The following ZNF516 variants were observed in gnomAD, a reference collection of about 807,000 sequenced individuals.
ZNF516 encodes the protein zinc finger protein 516.
Under a neutral mutation model 79.7 loss-of-function variants are expected in ZNF516, and 19 were observed. The ratio of observed to expected loss-of-function variants is 0.24; its 90% CI spans 0.17 to 0.35. The LOEUF (loss-of-function observed/expected upper bound fraction) is 0.35, where lower values mean the gene tolerates loss of function less well. ZNF516 is among the 10% of genes least tolerant of loss of function. The pLI, the probability that ZNF516 is intolerant of heterozygous loss-of-function variation, is 1.00. For missense variants in ZNF516, 1,678 were observed against 1,679.5 expected, an observed-to-expected ratio of 1.00 and a Z score of 0.02; for synonymous variants, 877 against 739.5, an observed-to-expected ratio of 1.19 and a Z score of -3.02.
chr18:76,494,462 AC>A (rs1163080358), intron 1 of ZNF516, among the ~76,000 whole-genome samples: 3 of 14,876 alleles, frequency 2.0e-4, no homozygotes, highest in East Asian at 2.4e-3. Context: ...CCCCACCCCC[AC>A]CCCCGCCCGA....
chr18:76,446,728 G>A (rs1038688623), intron 2 of ZNF516, among the ~76,000 whole-genome samples: 2 of 152,214 alleles, frequency 1.3e-5, no homozygotes, highest in Admixed American at 1.3e-4. Context: ...ACGATGCTCT[G>A]CGATCAACAA....
chr18:76,491,525 G>C (rs1037531773), intron 1 of ZNF516: 1 of 125,694 alleles, frequency 8.0e-6, no homozygotes, highest in South Asian at 2.4e-4. Context: ...GGCGTGTGAC[G>C]TCCGCTCCAC....
chr18:76,424,026 G>A (rs1336872972), intron 3 of ZNF516, among the ~76,000 whole-genome samples: 1 of 113,520 alleles, frequency 8.8e-6, no homozygotes, highest in Admixed American at 9.6e-5. Flanking sequence ...ACACCCACAC[G>A]CAGGTGAAAG....
intron 2 of ZNF516, among the ~76,000 whole-genome samples, chr18:76,460,229 C>T (rs1013385721): frequency 6.6e-6 from 1 of 152,180 alleles, no homozygotes; most frequent in Non-Finnish European, 1.5e-5. Flanking sequence ...CTGCACTCAC[C>T]GTCCAGGGCC....
intron 1 of ZNF516, among the ~76,000 whole-genome samples, chr18:76,479,214 T>G (rs1467900317): frequency 6.6e-6 from 1 of 152,176 alleles, no homozygotes; most frequent in East Asian, 1.9e-4. Flanking sequence ...AAAAGGGGCC[T>G]TGACTTGGAC....
At chr18:76,403,298 A>C (rs1213104303) in intron 3 of ZNF516, among the ~76,000 whole-genome samples, 2 of 152,166 alleles carry the variant, frequency 1.3e-5, no homozygotes, top group Non-Finnish European at 2.9e-5. Context: ...ATCTCTTCTC[A>C]TACACATGCA....
In ZNF516 at chr18:76,370,523, C is replaced by T; in HGVS notation, c.3432+5G>A. The T allele has an allele frequency of 2.5e-6, 4 of 1,604,178 alleles. No individual in the cohort carries two copies. Among genetic ancestry groups the T allele is most frequent in the Non-Finnish European group, 3.4e-6 (4 of 1,174,734 alleles). ...CCCAGACATCCAATTCATCATGAGA[C>T]CTACTTGTTTGGGGGCGTCTGCGGA... On this transcript the variant is annotated splice_donor_5th_base_variant and intron_variant, in intron 6 of 6. Transcript: ENST00000443185.
intron 3 of ZNF516, among the ~76,000 whole-genome samples, chr18:76,424,930 G>C (rs551881267): frequency 3.0e-5 from 4 of 135,558 alleles, no homozygotes; most frequent in Non-Finnish European, 6.1e-5. Context: ...AGGTGAAAAG[G>C]TTCCCCCATG....
Position 76,379,545 on chromosome 18 carries a change from C to T in ZNF516, c.2569G>A (p.Val857Ile), listed in dbSNP as rs762799779. 1 of 1,613,720 alleles carries T rather than the reference C, an allele frequency of 6.2e-7. No individual in the cohort carries two copies. The highest frequency in any genetic ancestry group is 1.7e-5 in the Admixed American group (1 of 60,036). Residue 857 changes from valine (V) to isoleucine (I), a missense_variant, in exon 4 of 7, where the codon GTC becomes ATC. By Grantham distance (29) the Val-to-Ile change is conservative. Around this residue, in one of 5 missense-constraint regions of ZNF516, gnomAD observed 1,294 missense variants for 1,248.3 expected, o/e 1.04. Coordinates refer to ENST00000443185, the MANE Select transcript of ZNF516 (RefSeq NM_014643.4). ...SKSGSSPLGV[V>I]TKAASMPKNK... ...TTAGGCATGCTAGCGGCTTTTGTGA[C>T]CACTCCCAGGGGAGAAGAGCCACTT...
intron 1 of ZNF516, among the ~76,000 whole-genome samples, chr18:76,491,272 C>A (rs1462458822): frequency 1.7e-4 from 14 of 84,032 alleles, no homozygotes; most frequent in Non-Finnish European, 3.1e-4. Flanking sequence ...ACCCGCCCCC[C>A]TCCCCGGCCC....
At chr18:76,413,345 G>T (rs756932550) in intron 3 of ZNF516, among the ~76,000 whole-genome samples, 1 of 152,008 alleles carries the variant, frequency 6.6e-6, no homozygotes, top group Non-Finnish European at 1.5e-5. Context: ...TCCTTCTCTG[G>T]CGGACGCCAG....
intron 3 of ZNF516, among the ~76,000 whole-genome samples, chr18:76,429,003 G>A (rs1338439680): frequency 6.6e-6 from 1 of 152,240 alleles, no homozygotes; most frequent in African/African-American, 2.4e-5. Context: ...CGAGCGGGCA[G>A]GGCAGGGAGG....
chr18:76,458,825 G>A lies in ZNF516; in HGVS notation c.-158+4203C>T, dbSNP rs529476084. ...GCGTGCCTCACCGTCGTGCGTGTGC[G>A]TGCCTCACCGTTGTGTGTGTGCATG... On this transcript the variant is annotated intron_variant, in intron 2 of 6. Transcript: ENST00000443185. Among the ~76,000 whole-genome samples, 13 of 148,802 alleles carry A rather than the reference G, an allele frequency of 8.7e-5. No individual in the cohort carries two copies. The East Asian group carries it at 1.2e-3, about 14-fold the overall frequency.
At chr18:76,495,916 A>T (rs1915464405), upstream of ZNF516, 1 of 352,916 alleles carries the variant, frequency 2.8e-6, no homozygotes, top group African/African-American at 2.2e-5. Flanking sequence ...TCCCGCTGGA[A>T]AGACTTCAAA....
intron 3 of ZNF516, among the ~76,000 whole-genome samples, chr18:76,432,211 C>T (rs1039621604): frequency 5.3e-5 from 8 of 152,256 alleles, no homozygotes; most frequent in Admixed American, 1.3e-4. Flanking sequence ...TGCCCTCCTC[C>T]GCAGCCTCTG....
chr18:76,379,833 G>C lies in ZNF516; in HGVS notation c.2281C>G (p.Pro761Ala). The change falls in exon 4 of 7, where the codon CCG becomes GCG. Residue 761 changes from proline (P) to alanine (A), a missense_variant. Physicochemically the swap from Pro to Ala is conservative, Grantham distance 27. This residue lies in a region of ZNF516 where 1,294 missense variants were observed against 1,248.3 expected (regional missense o/e 1.04). Transcript: ENST00000443185. ...GTCTTGTGGCTGCAGTAAGGACACG[G>C]GTGAACGACTAAAGCCGCCTGCAGG... ...SSLQAALVVH[P>A]CPYCSHKTYY... 6.2e-7 allele frequency: 1 copy of C among 1,613,896 alleles called. No homozygotes were observed. The highest frequency in any genetic ancestry group is 2.2e-5 in the East Asian group (1 of 44,870).
chr18:76,376,411 T>G (rs1353710673), intron 4 of ZNF516, among the ~76,000 whole-genome samples: 1 of 152,124 alleles, frequency 6.6e-6, no homozygotes, highest in Admixed American at 6.5e-5. Context: ...AAACCCTAAA[T>G]TTGCTGACTC....
intron 3 of ZNF516, among the ~76,000 whole-genome samples, chr18:76,418,334 A>AT (rs1306565959): frequency 6.6e-6 from 1 of 152,154 alleles, no homozygotes; most frequent in African/African-American, 2.4e-5. Flanking sequence ...CTAACACACT[A>AT]TAACACGCTG....
At position 76,362,284 on chromosome 18, in the gene ZNF516, G is replaced by T. The variant is rs778505405; in HGVS notation, c.*214C>A. On this transcript the variant is annotated 3_prime_UTR_variant, in exon 7 of 7. Coordinates refer to ENST00000443185, the MANE Select transcript of ZNF516 (RefSeq NM_014643.4). ...TATCTACATGTATTTCTAGAATATA[G>T]CATCTTCATTTATTTCTGAACGTTT... The T allele has an allele frequency of 2.4e-5, 13 of 534,812 alleles. No individual in the cohort carries two copies. The highest frequency in any genetic ancestry group is 1.2e-4 in the Admixed American group (4 of 32,510). 33.1% of individuals were successfully genotyped at this position (534,812 alleles called of 1,614,324 possible).
Sources: allele counts gnomAD v4.1 joint callset (sites outside exome capture counted in the v4.1 genomes callset), GRCh38; gene constraint gnomAD v4.1.1; regional missense constraint gnomAD v4.1.1; transcripts MANE v1.5; gene names NCBI Gene and HGNC (gene_info 2026-07-23, HGNC 2026-07-21).